WIZ: variants seen among roughly 807,000 people sequenced by gnomAD.
WIZ encodes the protein WIZ zinc finger.
In WIZ, 25 loss-of-function variants were observed where a neutral mutation model predicts 140.2. The observed-to-expected ratio is 0.18, with a 90% CI of 0.13 to 0.25. The LOEUF is 0.25. Among genes scored for constraint, WIZ ranks in the 10% least tolerant of loss-of-function variants. The probability of loss-of-function intolerance (pLI) is 1.00; values close to 1 mark genes in which losing one functional copy is unlikely to be tolerated. For synonymous variants in WIZ, 1,125 were observed against 1,154.3 expected (o/e 0.97, Z 0.51); for missense variants, 2,231 against 2,632.6 (o/e 0.85, Z 3.34).
intron 4 of WIZ, among the ~76,000 whole-genome samples, chr19:15,437,836 G>A (rs1225738598): frequency 6.6e-6 from 1 of 152,164 alleles, no homozygotes; most frequent in African/African-American, 2.4e-5. Context: ...TCTGCTGGGA[G>A]CCTTCTCTGA....
intron 5 of WIZ, 96 bp downstream of exon 5, chr19:15,436,710 G>A: frequency 7.7e-7 from 1 of 1,290,590 alleles, no homozygotes; most frequent in Non-Finnish European, 1.0e-6. Context: ...AATGCTTCCA[G>A]GAAAGCTGAG....
chr19:15,432,434 C>T lies in WIZ; in HGVS notation c.2741-1252G>A, dbSNP rs1217805377. The T allele has an allele frequency of 5.1e-6, 5 of 983,648 alleles. No individual in the cohort carries two copies. The African/African-American group carries it at 5.3e-5, about 10-fold the overall frequency. 60.9% of individuals were successfully genotyped at this position (983,648 alleles called of 1,614,324 possible). ...CACCCTCCCAAGCGCGGGCTCTTAC[C>T]GGGCGCGGGAGCGGACGCGGGCCCG... On this transcript the variant is annotated intron_variant, in intron 5 of 12. Coordinates refer to ENST00000673675, the MANE Select transcript of WIZ (RefSeq NM_001371589.1).
At chr19:15,432,364 G>A (rs1037843708) in intron 5 of WIZ, 7 of 896,284 alleles carry the variant, frequency 7.8e-6, no homozygotes, top group African/African-American at 1.8e-5. Context: ...GAAGGCGTCG[G>A]GGGCGGCGGC....
chr19:15,423,913 C>T (rs1253148121), intron 12 of WIZ: 1 of 406,992 alleles, frequency 2.5e-6, no homozygotes, highest in African/African-American at 2.1e-5. Flanking sequence ...TGTTATCAAC[C>T]CGCTTTTATG....
rs1302094106 is a variant in WIZ, at chr19:15,440,396, C to T, written c.598G>A (p.Gly200Arg). ...TGGGCAGGCAGGTCCAAGTGCAGCC[C>T]TGCGTCCTGGGGGGATCCCTGCTCG... ...EDEQGSPQDA[G>R]LHLDLPAQPP... The change falls in exon 4 of 13, where the codon GGG becomes AGG. Residue 200 changes from glycine (G) to arginine (R), a missense_variant. By Grantham distance (125) the Gly-to-Arg change is moderately radical. This residue lies in a region of WIZ where 307 missense variants were observed against 294.1 expected (regional missense o/e 1.04). Coordinates refer to ENST00000673675, the MANE Select transcript of WIZ (RefSeq NM_001371589.1). This position sits in a 1 kb window ranked among gnomAD's most constrained non-coding sequence, Gnocchi z 6.2. The T allele has an allele frequency of 1.3e-6, 2 of 1,534,828 alleles. No individual in the cohort carries two copies. The highest frequency in any genetic ancestry group is 1.7e-6 in the Non-Finnish European group (2 of 1,146,044).
chr19:15,434,428 T>C (rs541227120), intron 5 of WIZ, among the ~76,000 whole-genome samples: 51 of 151,500 alleles, frequency 3.4e-4, no homozygotes, highest in Admixed American at 6.6e-4. Flanking sequence ...CCGGGCGTGG[T>C]GGCAGGCACC....
chr19:15,431,212 G>C (rs1568300856), intron 5 of WIZ, 30 bp from the exon 6 acceptor site: 1 of 1,484,340 alleles, frequency 6.7e-7, no homozygotes, highest in Non-Finnish European at 8.9e-7. Context: ...GCTCAGCCCA[G>C]ACAAATTTCA....
At chr19:15,446,287 G>A (rs917120059) in intron 2 of WIZ, among the ~76,000 whole-genome samples, 13 of 152,136 alleles carry the variant, frequency 8.5e-5, no homozygotes, top group South Asian at 8.3e-4. Flanking sequence ...GCGAGGTAGA[G>A]AAGAGATGTC....
rs745605245 is a variant in WIZ at position 15,424,234 on chromosome 19, G to C, written c.5459C>G (p.Pro1820Arg). The change falls in exon 12 of 13, where the codon CCC becomes CGC. Residue 1820 changes from proline to arginine, a missense_variant. This residue lies in a region of WIZ where 299 missense variants were observed against 309.6 expected (regional missense o/e 0.97). Coordinates refer to ENST00000673675, the MANE Select transcript of WIZ (RefSeq NM_001371589.1). This position sits in a 1 kb window ranked among gnomAD's most constrained non-coding sequence, Gnocchi z 9.7. ...CACGAACTTGACAAGTGATGTCTGGGGGGGCCGGGGCACCAGGGAGGGGAC... is the reference window on the plus strand; with the variant it reads ...CACGAACTTGACAAGTGATGTCTGGCGGGGCCGGGGCACCAGGGAGGGGAC... ...RPVPSLVPRP[P>R]QTSLVKFVGN... 66 of 1,582,290 alleles carry C rather than the reference G, an allele frequency of 4.2e-5. No homozygotes were observed. Among genetic ancestry groups the C allele is most frequent in the Non-Finnish European group, 4.2e-5 (49 of 1,167,364 alleles).
chr19:15,439,420 A>G lies in WIZ; in HGVS notation c.1574T>C (p.Phe525Ser), dbSNP rs1383435982. 1 of 1,528,420 alleles carries G rather than the reference A, an allele frequency of 6.5e-7. No individual in the cohort carries two copies. The highest frequency in any genetic ancestry group is 8.8e-7 in the Non-Finnish European group (1 of 1,141,866). 94.7% of individuals were successfully genotyped at this position (1,528,420 alleles called of 1,614,324 possible). A position where few individuals can be genotyped will look rare whatever the true frequency, so the allele number is the denominator to read the frequency against. Residue 525 changes from phenylalanine to serine, a missense_variant, in exon 4 of 13, where the codon TTT becomes TCT. Phe to Ser is a radical substitution (Grantham distance 155). Around this residue, in one of 15 missense-constraint regions of WIZ, gnomAD observed 475 missense variants for 520.2 expected, o/e 0.91. Coordinates refer to ENST00000673675, the MANE Select transcript of WIZ (RefSeq NM_001371589.1). The surrounding 1 kb of genome is among the most constrained non-coding windows in gnomAD (Gnocchi z 7.0). ...GGCCAAGGACGGCTCAGCTTTGCCA[A>G]AGTAGTCCACAGCAGTGTCAGGGAA... is the stretch of plus-strand genomic sequence containing the variant. ...ACFPDTAVDY[F>S]GKAEPSLAPM... is the part of the protein sequence containing the mutation.
intron 3 of WIZ, among the ~76,000 whole-genome samples, chr19:15,441,404 AC>A (rs2145380189): frequency 6.6e-6 from 1 of 152,278 alleles, no homozygotes; most frequent in East Asian, 1.9e-4. Context: ...TTGTCCTTAT[AC>A]AACATCTGTG....
At chr19:15,448,028 G>A in intron 2 of WIZ, 75 bp downstream of exon 2, 1 of 1,549,940 alleles carries the variant, frequency 6.5e-7, no homozygotes, top group East Asian at 2.3e-5. Context: ...CTGCTGCGCT[G>A]GGTGACTTGA....
rs1482975669 is a variant in WIZ, at chr19:15,424,867, A to G, written c.5060T>C (p.Val1687Ala). 1 of 1,610,178 alleles carries G rather than the reference A, an allele frequency of 6.2e-7. No individual in the cohort carries two copies. Among genetic ancestry groups the G allele is most frequent in the Non-Finnish European group, 8.5e-7 (1 of 1,179,238 alleles). ...CTGGATGTAGCTGCGGTAGGCGCCC[A>G]CCTTCTGGGGCCGGTGTTTGATCCA... ...SEWIKHRPQK[V>A]GAYRSYIQGG... The change falls in exon 11 of 13, where the codon GTG becomes GCG. Residue 1687 changes from valine to alanine, a missense_variant. Coordinates refer to ENST00000673675, the MANE Select transcript of WIZ (RefSeq NM_001371589.1). This position sits in a 1 kb window ranked among gnomAD's most constrained non-coding sequence, Gnocchi z 9.7.
intron 5 of WIZ, among the ~76,000 whole-genome samples, chr19:15,432,849 A>G (rs755045032): frequency 1.3e-4 from 20 of 151,444 alleles, no homozygotes; most frequent in Admixed American, 6.6e-5. Flanking sequence ...CCGAGCGCCG[A>G]GCGCCGAGTG....
At chr19:15,425,055 C>A in intron 10 of WIZ, 23 bp from the exon 11 acceptor site, 1 of 1,542,210 alleles carries the variant, frequency 6.5e-7, no homozygotes, top group South Asian at 1.2e-5. Context: ...GGGGGTGCTG[C>A]TGAGTCACAG....
intron 1 of WIZ, chr19:15,449,526 G>A (rs957966916): frequency 6.6e-6 from 1 of 152,240 alleles, no homozygotes; most frequent in African/African-American, 2.4e-5. Context: ...CACTCCTCGG[G>A]GGTCCAGGGT....
chr19:15,447,363 TCTCCCAGGC>T (rs1291307208), intron 2 of WIZ, among the ~76,000 whole-genome samples: 1 of 152,180 alleles, frequency 6.6e-6, no homozygotes, highest in Non-Finnish European at 1.5e-5. Context: ...GTCTCCCAGG[TCTCCCAGGC>T]ATGATCCTGG....
chr19:15,439,564 C>G lies in WIZ; in HGVS notation c.1430G>C (p.Ser477Thr). The change falls in exon 4 of 13, where the codon AGC (serine) becomes ACC (threonine). Residue 477 changes from serine to threonine, a missense_variant. Coordinates refer to ENST00000673675, the MANE Select transcript of WIZ (RefSeq NM_001371589.1). This position sits in a 1 kb window ranked among gnomAD's most constrained non-coding sequence, Gnocchi z 7.0. ...CAGCCTCACGTGCTCCCTGAGCAGG[C>G]TCTCGCTGGGCGCGGGGAAACCACA... ...VFCGFPAPSE[S>T]LLREHVRLVH... 2.0e-6 allele frequency: 3 copies of G among 1,498,712 alleles called. No individual in the cohort carries two copies. The highest frequency in any genetic ancestry group is 2.7e-6 in the Non-Finnish European group (3 of 1,126,906). The allele number at this position is 1,498,712 out of a possible 1,614,324, so 92.8% of individuals were successfully genotyped here.
At chr19:15,431,477 A>G (rs539841683) in intron 5 of WIZ, among the ~76,000 whole-genome samples, 1 of 152,254 alleles carries the variant, frequency 6.6e-6, no homozygotes, top group African/African-American at 2.4e-5. Context: ...CAAAGAAAAG[A>G]TCTCTCTGGG....
Sources: allele counts gnomAD v4.1 joint callset (sites outside exome capture counted in the v4.1 genomes callset), GRCh38; gene constraint gnomAD v4.1.1; regional missense constraint gnomAD v4.1.1; non-coding constraint Gnocchi (gnomAD v3.1); transcripts MANE v1.5; gene names NCBI Gene and HGNC (gene_info 2026-07-23, HGNC 2026-07-21).